CD36: variants seen among roughly 807,000 people sequenced by gnomAD.
CD36 encodes the protein platelet glycoprotein 4.
CD36 carries 119 observed loss-of-function variants against 55.2 expected under a neutral mutation model. That is an observed-to-expected ratio of 2.15 (90% CI 1.86 to 2.51). CD36 has a LOEUF of 2.51. CD36 is among the 30% of genes most tolerant of loss of function. The pLI is 0.00. For missense variants in CD36, 819 were observed against 555.5 expected, an observed-to-expected ratio of 1.47 and a Z score of -4.77; for synonymous variants, 186 against 193.6, an observed-to-expected ratio of 0.96 and a Z score of 0.33.
intron 8 of CD36, among the ~76,000 whole-genome samples, chr7:80,669,512 C>T (rs1023758638): frequency 5.3e-5 from 8 of 152,050 alleles, no homozygotes; most frequent in African/African-American, 1.9e-4. Flanking sequence ...ACTGCAGTAT[C>T]CGCCTCCTGG....
intron 1 of CD36, among the ~76,000 whole-genome samples, chr7:80,611,924 C>G (rs995693561): frequency 6.6e-6 from 1 of 152,176 alleles, no homozygotes; most frequent in Non-Finnish European, 1.5e-5. Flanking sequence ...TAAAAGGTCT[C>G]ATTTTGTCTT....
At chr7:80,612,399 GA>G (rs1252672142) in intron 1 of CD36, among the ~76,000 whole-genome samples, 1 of 151,942 alleles carries the variant, frequency 6.6e-6, no homozygotes, top group Non-Finnish European at 1.5e-5. Context: ...TTATATAAAT[GA>G]AAAAATTATG....
At chr7:80,617,455 G>T (rs144600451) in intron 1 of CD36, among the ~76,000 whole-genome samples, 1 of 152,014 alleles carries the variant, frequency 6.6e-6, no homozygotes, top group Non-Finnish European at 1.5e-5. Flanking sequence ...GGCCAGGCAC[G>T]GTGGCTCACA....
intron 1 of CD36, among the ~76,000 whole-genome samples, chr7:80,616,457 GCACA>G (rs149005116): frequency 6.7e-6 from 1 of 148,194 alleles, no homozygotes; most frequent in Admixed American, 6.7e-5. Flanking sequence ...GTGCCTGCAC[GCACA>G]CACACACACA....
At position 80,667,747 on chromosome 7, in the gene CD36, G is replaced by GTTTTTTTTTTTTTTTTT. The variant is rs1165767460; in HGVS notation, c.748+1263_748+1279dup. On this transcript the variant is annotated intron_variant, in intron 8 of 14. Transcript: ENST00000447544. ...GTTGGATTTGCAGGGGTTTTCTTTT[G>GTTTTTTTTTTTTTTTTT]TTTTTTTTTTTTTTTTTTTTTGAGA... is the stretch of plus-strand genomic sequence containing the variant. 1.1e-3 allele frequency among the ~76,000 whole-genome samples: 94 copies of GTTTTTTTTTTTTTTTTT among 82,636 alleles called. 4 individuals carry two copies. The highest frequency in any genetic ancestry group is 3.1e-3 in the African/African-American group (75 of 24,114). The allele number at this position is 82,636 out of a possible 152,430, so 54.2% of individuals were successfully genotyped here.
chr7:80,671,949 A>G lies in CD36; in HGVS notation c.1034A>G (p.His345Arg), dbSNP rs759271341. Residue 345 changes from histidine to arginine, a missense_variant, in exon 11 of 15, where the codon CAT becomes CGT. Transcript: ENST00000447544. Reference sequence around the variant, plus strand: ...AGACCTGTGTACATTTCACTTCCTCATTTTCTGTATGCAAGTCCTGATGTT... The same window carrying G: ...AGACCTGTGTACATTTCACTTCCTCGTTTTCTGTATGCAAGTCCTGATGTT... Reference protein sequence around the residue: ...EGRPVYISLPHFLYASPDVSE... With the variant: ...EGRPVYISLPRFLYASPDVSE... The G allele has an allele frequency of 3.1e-6, 5 of 1,611,408 alleles. No individual in the cohort carries two copies. The highest frequency in any genetic ancestry group is 1.3e-5 in the African/African-American group (1 of 74,946).
intron 5 of CD36, 85 bp downstream of exon 5, chr7:80,661,295 T>C (rs1796510287): frequency 7.5e-7 from 1 of 1,327,482 alleles, no homozygotes; most frequent in Non-Finnish European, 1.1e-6. Context: ...TATTAGGTTT[T>C]ACTTGTTTTT....
chr7:80,617,604 G>A (rs1033956163), intron 1 of CD36, among the ~76,000 whole-genome samples: 67 of 151,868 alleles, frequency 4.4e-4, no homozygotes, highest in African/African-American at 1.6e-3. Flanking sequence ...GCAGGTGCTT[G>A]TAGTCCCAGC....
chr7:80,639,172 T>C (rs953914344), intron 1 of CD36, among the ~76,000 whole-genome samples: 5 of 152,022 alleles, frequency 3.3e-5, no homozygotes, highest in African/African-American at 1.2e-4. Context: ...TTGTCTAATA[T>C]GCAATTATTA....
intron 1 of CD36, among the ~76,000 whole-genome samples, chr7:80,626,876 A>G (rs1793772942): frequency 6.6e-6 from 1 of 152,072 alleles, no homozygotes; most frequent in Admixed American, 6.6e-5. Context: ...TTTACATGCT[A>G]ACGAGTTCTA....
At chr7:80,667,970 A>G (rs1272472470) in intron 8 of CD36, among the ~76,000 whole-genome samples, 1 of 151,696 alleles carries the variant, frequency 6.6e-6, no homozygotes, top group Non-Finnish European at 1.5e-5. Flanking sequence ...GATGGTCTTG[A>G]TCTCTTGACC....
upstream of CD36, among the ~76,000 whole-genome samples, chr7:80,634,994 T>A (rs1794301980): frequency 6.6e-6 from 1 of 152,042 alleles, no homozygotes; most frequent in South Asian, 2.1e-4. Context: ...TACTAATTAT[T>A]AAGAAAGGGA....
intron 11 of CD36, among the ~76,000 whole-genome samples, chr7:80,672,455 T>C (rs745802067): frequency 1.3e-5 from 2 of 151,756 alleles, no homozygotes; most frequent in Non-Finnish European, 2.9e-5. Context: ...GGATTCTAAC[T>C]GAATATATAT....
At chr7:80,613,730 T>G (rs1289211979) in intron 1 of CD36, among the ~76,000 whole-genome samples, 1 of 152,176 alleles carries the variant, frequency 6.6e-6, no homozygotes, top group African/African-American at 2.4e-5. Context: ...TCAGCAGTTT[T>G]GATTCTTAAA....
intron 1 of CD36, among the ~76,000 whole-genome samples, chr7:80,621,454 A>C (rs752063456): frequency 1.3e-5 from 2 of 152,228 alleles, no homozygotes; most frequent in Non-Finnish European, 2.9e-5. Flanking sequence ...GACAAATAAT[A>C]CATGGAAGCA....
chr7:80,645,228 CG>C (rs1795074240), intron 1 of CD36, among the ~76,000 whole-genome samples: 1 of 151,318 alleles, frequency 6.6e-6, no homozygotes, highest in Admixed American at 6.6e-5. Context: ...CTGTGTTGGT[CG>C]GGCTGGTCTC....
rs142148421 is a variant in CD36, at chr7:80,671,138, T to C, written c.980T>C (p.Val327Ala). Residue 327 changes from valine (V) to alanine (A), a missense_variant, in exon 10 of 15, where the codon GTG (valine) becomes GCG (alanine). Val to Ala is a moderately conservative substitution (Grantham distance 64). Coordinates refer to ENST00000447544, the MANE Select transcript of CD36 (RefSeq NM_001001548.3). ...TCAAAAAATTGTACATCATATGGTG[T>C]GCTAGACATCAGCAAATGCAAAGAA... ...IISKNCTSYG[V>A]LDISKCKEGR... 9.9e-6 allele frequency: 16 copies of C among 1,612,240 alleles called. No homozygotes were observed. Among genetic ancestry groups the C allele is most frequent in the Non-Finnish European group, 1.3e-5 (15 of 1,178,958 alleles).
At chr7:80,632,892 AT>A (rs1332868036) in intron 1 of CD36, among the ~76,000 whole-genome samples, 2 of 151,724 alleles carry the variant, frequency 1.3e-5, no homozygotes, top group Admixed American at 6.6e-5. Context: ...ATGACAATGA[AT>A]TTTTTCTTTC....
intron 1 of CD36, among the ~76,000 whole-genome samples, chr7:80,643,941 G>A (rs180933069): frequency 1.3e-5 from 2 of 152,190 alleles, no homozygotes; most frequent in Non-Finnish European, 2.9e-5. Context: ...TATGAAATGG[G>A]CATTCAATAA....
Sources: allele counts gnomAD v4.1 joint callset (sites outside exome capture counted in the v4.1 genomes callset), GRCh38; gene constraint gnomAD v4.1.1; transcripts MANE v1.5; gene names NCBI Gene and HGNC (gene_info 2026-07-23, HGNC 2026-07-21).